Variants in APMAP observed in about 807,000 individuals in gnomAD.
The protein encoded by APMAP is adipocyte plasma membrane-associated protein.
In APMAP, 33 loss-of-function variants were observed where a neutral mutation model predicts 43.6. That is an observed-to-expected ratio of 0.76 (90% CI 0.57 to 1.01). The LOEUF is 1.01. Ranked by LOEUF, APMAP falls within the 50% of genes least tolerant of loss-of-function variation. The probability of loss-of-function intolerance (pLI) is 0.00; values close to 1 mark genes in which losing one functional copy is unlikely to be tolerated. For synonymous variants in APMAP, 224 were observed against 216.7 expected, an observed-to-expected ratio of 1.03 and a Z score of -0.30; for missense variants, 498 against 540.7, an observed-to-expected ratio of 0.92 and a Z score of 0.78.
At chr20:24,977,853 C>G (rs1326065145) in intron 3 of APMAP, among the ~76,000 whole-genome samples, 1 of 152,192 alleles carries the variant, frequency 6.6e-6, no homozygotes, top group Non-Finnish European at 1.5e-5. Context: ...AAAGTTCTAT[C>G]ATGATATTTA....
chr20:24,983,512 G>GA (rs1172099972), intron 2 of APMAP, among the ~76,000 whole-genome samples: 1 of 151,884 alleles, frequency 6.6e-6, no homozygotes, highest in Non-Finnish European at 1.5e-5. Context: ...GGTAACTTAG[G>GA]AAAAAAAGAA....
rs146561843 is a variant in APMAP at position 24,991,912 on chromosome 20, A to T, written c.95+682T>A. ...CAAAGGGCAAAACCTGATATTTCTT[A>T]GGTGTCAACAACTACAGTTTCCTAT... is the stretch of plus-strand genomic sequence containing the variant. On this transcript the variant is annotated intron_variant, in intron 1 of 8. Coordinates refer to ENST00000217456, the MANE Select transcript of APMAP (RefSeq NM_020531.3). Among the ~76,000 whole-genome samples, 3 of 152,368 alleles carry T rather than the reference A, an allele frequency of 2.0e-5. No individual in the cohort carries two copies. In the East Asian group the frequency reaches 5.8e-4, roughly 29 times the overall value.
chr20:24,966,468 C>A (rs113556883), intron 8 of APMAP, among the ~76,000 whole-genome samples: 1 of 152,228 alleles, frequency 6.6e-6, no homozygotes, highest in Non-Finnish European at 1.5e-5. Context: ...GTTGCCACCA[C>A]CCCAACAGAG....
At chr20:24,965,818 G>C (rs1025618285) in intron 8 of APMAP, among the ~76,000 whole-genome samples, 4 of 152,174 alleles carry the variant, frequency 2.6e-5, no homozygotes, top group Admixed American at 6.5e-5. Context: ...GGTAAACCTA[G>C]GGAGGACAAT....
intron 8 of APMAP, among the ~76,000 whole-genome samples, chr20:24,964,672 T>C (rs888551745): frequency 1.3e-5 from 2 of 152,130 alleles, no homozygotes; most frequent in African/African-American, 4.8e-5. Context: ...AGAGAACAGA[T>C]GGCGAGAGGC....
intron 8 of APMAP, among the ~76,000 whole-genome samples, chr20:24,965,611 GC>G (rs1442674271): frequency 6.6e-6 from 1 of 152,200 alleles, no homozygotes; most frequent in Non-Finnish European, 1.5e-5. Flanking sequence ...GGCTGTGAGA[GC>G]CCATGCAAGT....
At chr20:24,974,949 G>GA (rs1003125935) in intron 3 of APMAP, among the ~76,000 whole-genome samples, 4 of 152,024 alleles carry the variant, frequency 2.6e-5, no homozygotes, top group African/African-American at 7.2e-5. Flanking sequence ...AACAGATACA[G>GA]AAAAAAACAT....
chr20:24,982,838 C>CCA (rs1568816959), intron 2 of APMAP, among the ~76,000 whole-genome samples: 1 of 152,096 alleles, frequency 6.6e-6, no homozygotes, highest in African/African-American at 2.4e-5. Context: ...GGGACCCCCC[C>CCA]CCGCCACCCA....
intron 8 of APMAP, among the ~76,000 whole-genome samples, chr20:24,967,374 G>A (rs2087954254): frequency 6.6e-6 from 1 of 152,168 alleles, no homozygotes; most frequent in South Asian, 2.1e-4. Flanking sequence ...AGTCCATGGG[G>A]CTGTGGTCCT....
chr20:24,966,935 TG>T (rs1452361383), intron 8 of APMAP, among the ~76,000 whole-genome samples: 2 of 152,040 alleles, frequency 1.3e-5, no homozygotes, highest in Non-Finnish European at 2.9e-5. Flanking sequence ...GAAACAGTGC[TG>T]GGAAAAAAAT....
In APMAP at chr20:24,963,524, G is replaced by C. The variant is rs1220471223; in HGVS notation, c.*289C>G. The C allele has an allele frequency of 1.9e-4, 79 of 419,982 alleles. No individual in the cohort carries two copies. The highest frequency in any genetic ancestry group is 3.5e-5 in the Non-Finnish European group (8 of 228,256). The allele number at this position is 419,982 out of a possible 1,614,324, so 26.0% of individuals were successfully genotyped here. A position where few individuals can be genotyped will look rare whatever the true frequency, so the allele number is the denominator to read the frequency against. On this transcript the variant is annotated 3_prime_UTR_variant, in exon 9 of 9. Coordinates refer to ENST00000217456, the MANE Select transcript of APMAP (RefSeq NM_020531.3). ...TGCAAGGAGCTTCCCAAATCCTAGA[G>C]AATGACTGTACTTAGAAAGTTTTGT...
At chr20:24,979,297 C>T (rs936863833) in intron 2 of APMAP, among the ~76,000 whole-genome samples, 5 of 152,188 alleles carry the variant, frequency 3.3e-5, no homozygotes, top group Admixed American at 6.5e-5. Context: ...GACCCGGCCT[C>T]GTATTTCACA....
intron 2 of APMAP, among the ~76,000 whole-genome samples, chr20:24,979,509 C>T (rs988828274): frequency 5.3e-5 from 8 of 152,168 alleles, no homozygotes; most frequent in Non-Finnish European, 8.8e-5. Flanking sequence ...CCTTCCCATC[C>T]ACATGCCAGT....
intron 1 of APMAP, among the ~76,000 whole-genome samples, chr20:24,985,192 G>A (rs1252343629): frequency 3.3e-5 from 5 of 152,282 alleles, no homozygotes; most frequent in Middle Eastern, 3.4e-3. Context: ...AGTGTGAAAC[G>A]GGGTGTTGGG....
chr20:24,969,077 C>T lies in APMAP; in HGVS notation c.856G>A (p.Val286Ile), dbSNP rs149631598. ...GCCCCGCCCTTCATCAGGCCAGAAA[C>T]GTAGACTCTGAAAAATTCACCCAAG... is the stretch of plus-strand genomic sequence containing the variant. ...TTMARIRRVY[V>I]SGLMKGGADL... The change falls in exon 8 of 9, where the codon GTT becomes ATT. Residue 286 changes from valine (V) to isoleucine (I), a missense_variant. Coordinates refer to ENST00000217456, the MANE Select transcript of APMAP (RefSeq NM_020531.3). 1.8e-5 allele frequency: 28 copies of T among 1,585,694 alleles called. No homozygotes were observed. The Admixed American group carries it at 2.2e-4, about 13-fold the overall frequency.
In APMAP at chr20:24,978,747, C is replaced by T. The variant is rs955180718; in HGVS notation, c.328+20G>A. 1.8e-5 allele frequency: 24 copies of T among 1,312,752 alleles called. No individual in the cohort carries two copies. Among genetic ancestry groups the T allele is most frequent in the Middle Eastern group, 4.8e-4 (2 of 4,176 alleles). 81.3% of individuals were successfully genotyped at this position (1,312,752 alleles called of 1,614,324 possible). On this transcript the variant is annotated intron_variant, in intron 3 of 8. Transcript: ENST00000217456. ...ACAGACAGCCTGGAAGGCTCCCCCC[C>T]CACCCAAGCTTAGACTTACCCCCAA...
chr20:24,966,992 T>G lies in APMAP; in HGVS notation c.1041+1900A>C, dbSNP rs534500287. On this transcript the variant is annotated intron_variant, in intron 8 of 8. Transcript: ENST00000217456. ...CCACAGCTTTGATACTGCCTCGAAA[T>G]TAAAAAAAGAAAAAAATCAGGCCGG... 2.6e-5 allele frequency among the ~76,000 whole-genome samples: 4 copies of G among 152,132 alleles called. No homozygotes were observed. In the East Asian group the frequency reaches 7.8e-4, roughly 29 times the overall value.
intron 8 of APMAP, 37 bp from the exon 9 acceptor site, chr20:24,964,059 T>C: frequency 6.2e-7 from 1 of 1,605,078 alleles, no homozygotes; most frequent in Non-Finnish European, 8.5e-7. Flanking sequence ...GTTCACCAGC[T>C]GGCCAAGAAC....
chr20:24,971,444 A>G lies in APMAP; in HGVS notation c.538+16T>C. 6.3e-7 allele frequency: 1 copy of G among 1,592,898 alleles called. No individual in the cohort carries two copies. The highest frequency in any genetic ancestry group is 8.6e-7 in the Non-Finnish European group (1 of 1,161,042). ...TCTAAAATCTTCATAGAAGGAAACGAGATATTGTCACATACGTTTCCAGGG... is the reference window on the plus strand; with the variant it reads ...TCTAAAATCTTCATAGAAGGAAACGGGATATTGTCACATACGTTTCCAGGG... On this transcript the variant is annotated intron_variant, in intron 5 of 8. Transcript: ENST00000217456.
Sources: gnomAD v4.1 joint callset for allele counts (sites outside exome capture counted in the v4.1 genomes callset) on GRCh38, gnomAD v4.1.1 for gene constraint, MANE v1.5 for transcripts, NCBI Gene and HGNC (gene_info 2026-07-23, HGNC 2026-07-21) for gene names.